Variants in MYH6 observed in about 807,000 individuals in gnomAD.
MYH6 encodes the protein myosin-6.
In MYH6, 126 loss-of-function variants were observed where a neutral mutation model predicts 223.2. That is an observed-to-expected ratio of 0.56 (90% confidence interval 0.49 to 0.65). MYH6 has a LOEUF of 0.65. MYH6 is among the 30% of genes least tolerant of loss of function. MYH6 has a pLI of 0.00. For missense variants in MYH6, 2,040 were observed against 2,536.4 expected (o/e 0.80, Z 4.20); for synonymous variants, 978 against 1,010.2 (o/e 0.97, Z 0.61).
At chr14:23,384,797 T>A in intron 35 of MYH6, 80 bp from the exon 36 acceptor site, 1 of 1,613,514 alleles carries the variant, frequency 6.2e-7, no homozygotes, top group African/African-American at 1.3e-5. Context: ...CTTTCTCCCA[T>A]CAGGCCCTCA....
In MYH6 at chr14:23,387,915, G is replaced by T; in HGVS notation, c.4368C>A (p.Ala1456=). Residue 1456 remains alanine (A), a synonymous_variant, in exon 31 of 39, where the codon GCC becomes GCA. Coordinates refer to ENST00000405093, the MANE Select transcript of MYH6 (RefSeq NM_002471.4). ...KKQRNFDKIL[A]EWKQKYEESQ... The stretch of plus-strand genomic sequence containing the variant: ...ACTCCTCATACTTCTGCTTCCACTC[G>T]GCCAGGATCTGCCCGGGGACAAGGC... 2 of 1,613,654 alleles carry T rather than the reference G, an allele frequency of 1.2e-6. No homozygotes were observed. The highest frequency in any genetic ancestry group is 1.3e-5 in the African/African-American group (1 of 74,992).
intron 15 of MYH6, among the ~76,000 whole-genome samples, chr14:23,397,929 C>CTTCTTCT: frequency 1.6e-5 from 2 of 123,130 alleles, no homozygotes; most frequent in Admixed American, 1.6e-4. Flanking sequence ...CCTCCTCCTC[C>CTTCTTCT]TCCTCTTCTT....
At chr14:23,388,738 G>A (rs1245719402) in intron 29 of MYH6, 121 bp downstream of exon 29, 1 of 1,422,976 alleles carries the variant, frequency 7.0e-7, no homozygotes, top group African/African-American at 1.4e-5. Context: ...CACTTCTGTT[G>A]CCCTCCGAGT....
At position 23,403,370 on chromosome 14, in the gene MYH6, G is replaced by T; in HGVS notation, c.876C>A (p.Ser292=). 6.2e-7 allele frequency: 1 copy of T among 1,614,076 alleles called. No homozygotes were observed. Among genetic ancestry groups the T allele is most frequent in the Non-Finnish European group, 8.5e-7 (1 of 1,179,962 alleles). ...CACCCAGCAACTCCGGCTTCTTGTT[G>T]GACAGAATCTGGTAGAAGATGTGGT... The part of the protein sequence containing the change: ...RNYHIFYQIL[S]NKKPELLDML... Residue 292 remains serine (S), a synonymous_variant, in exon 10 of 39, where the codon TCC becomes TCA. Transcript: ENST00000405093.
At chr14:23,389,559 T>C in intron 27 of MYH6, 34 bp downstream of exon 27, 16 of 1,614,224 alleles carry the variant, frequency 9.9e-6, no homozygotes, top group Non-Finnish European at 1.4e-5. Context: ...AGTCATGTCC[T>C]GCCCTAGGCA....
At position 23,403,463 on chromosome 14, in the gene MYH6, G is replaced by C; in HGVS notation, c.800-17C>G. 1 of 1,603,484 alleles carries C rather than the reference G, an allele frequency of 6.2e-7. No individual in the cohort carries two copies. Among genetic ancestry groups the C allele is most frequent in the Non-Finnish European group, 8.5e-7 (1 of 1,170,340 alleles). On this transcript the variant is annotated splice_polypyrimidine_tract_variant and intron_variant, in intron 9 of 38. Transcript: ENST00000405093. The stretch of plus-strand genomic sequence containing the variant: ...CCAGCAGGTCTGAGGTGGGTGGAGG[G>C]GAGGAAGGCAGGTGAGGAAGGAAAG...
chr14:23,382,436 C>G lies in MYH6; in HGVS notation c.5788G>C (p.Gly1930Arg), dbSNP rs761796189. The change falls in exon 38 of 39, where the codon GGT becomes CGT. Residue 1930 changes from glycine to arginine, a missense_variant. Gly to Arg is a moderately radical substitution (Grantham distance 125, BLOSUM62 -2). Coordinates refer to ENST00000405093, the MANE Select transcript of MYH6 (RefSeq NM_002471.4). The part of the protein sequence containing the change: ...NKLRAKSRDI[G>R]AKQKMHDEE Reference sequence around the variant, plus strand: ...CCAGGGGAGGGACCCACCTTGGCACCAATGTCACGGCTCTTGGCTCGAAGC... The same window carrying G: ...CCAGGGGAGGGACCCACCTTGGCACGAATGTCACGGCTCTTGGCTCGAAGC... 3 of 1,614,114 alleles carry G rather than the reference C, an allele frequency of 1.9e-6. No homozygotes were observed. The African/African-American group carries it at 4.0e-5, about 22-fold the overall frequency.
At chr14:23,383,168 T>C (rs1890909114) in intron 37 of MYH6, 57 bp downstream of exon 37, 4 of 1,426,498 alleles carry the variant, frequency 2.8e-6, no homozygotes, top group African/African-American at 2.8e-5. Flanking sequence ...AGATATTCAT[T>C]GGTTCTCACA....
At chr14:23,399,933 A>C (rs1219753257) in intron 14 of MYH6, 2 of 399,130 alleles carry the variant, frequency 5.0e-6, no homozygotes, top group Admixed American at 7.3e-5. Context: ...GAGGCCAAAC[A>C]TCTCTAATTT....
intron 20 of MYH6, among the ~76,000 whole-genome samples, chr14:23,394,838 C>A (rs1259351712): frequency 5.9e-5 from 9 of 152,160 alleles, no homozygotes; most frequent in African/African-American, 1.4e-4. Flanking sequence ...ATTACTTTAA[C>A]CACATATGAA....
At position 23,382,438 on chromosome 14, in the gene MYH6, A is replaced by G. The variant is rs368881214; in HGVS notation, c.5786T>C (p.Ile1929Thr). The G allele has an allele frequency of 1.1e-5, 17 of 1,613,988 alleles. No individual in the cohort carries two copies. The highest frequency in any genetic ancestry group is 1.4e-5 in the Non-Finnish European group (17 of 1,180,022). The change falls in exon 38 of 39, where the codon ATT (isoleucine) becomes ACT (threonine). Residue 1929 changes from isoleucine to threonine, a missense_variant. Physicochemically the swap from Ile to Thr is moderately conservative, Grantham distance 89 (BLOSUM62 -1). Transcript: ENST00000405093. ...AGGGGAGGGACCCACCTTGGCACCA[A>G]TGTCACGGCTCTTGGCTCGAAGCTT... ...VNKLRAKSRDIGAKQKMHDEE is the reference protein window; with the variant it reads ...VNKLRAKSRDTGAKQKMHDEE
Position 23,389,062 on chromosome 14 carries a change from A to AGGGGGGG in MYH6, c.3979-14_3979-8dup. ...GGGCCAGGGCGTTCTTCGCCTGGGGAGGGGGGGGGGCACCAGGAGGTGGGA... is the reference window on the plus strand; with the variant it reads ...GGGCCAGGGCGTTCTTCGCCTGGGGAGGGGGGGGGGGGGGGGGCACCAGGAGGTGGGA... On this transcript the variant is annotated splice_polypyrimidine_tract_variant and splice_region_variant and intron_variant, in intron 28 of 38. Transcript: ENST00000405093. 1 of 1,175,168 alleles carries AGGGGGGG rather than the reference A, an allele frequency of 8.5e-7. No homozygotes were observed. The highest frequency in any genetic ancestry group is 1.2e-6 in the Non-Finnish European group (1 of 849,494). 72.8% of individuals were successfully genotyped at this position (1,175,168 alleles called of 1,614,324 possible). A position where few individuals can be genotyped will look rare whatever the true frequency, so the allele number is the denominator to read the frequency against.
Position 23,393,691 on chromosome 14 carries a change from T to A in MYH6, c.2903A>T (p.Lys968Met). 6.2e-7 allele frequency: 1 copy of A among 1,614,174 alleles called. No homozygotes were observed. The highest frequency in any genetic ancestry group is 1.1e-5 in the South Asian group (1 of 91,080). Reference sequence around the variant, plus strand: ...CTTGTTCTCTGTTGCATGCTTCTCCTTCTCCACCTTGGCCAGTGTCAGCTC... The same window carrying A: ...CTTGTTCTCTGTTGCATGCTTCTCCATCTCCACCTTGGCCAGTGTCAGCTC... ...DLELTLAKVE[K>M]EKHATENKVK... The change falls in exon 22 of 39, where the codon AAG (lysine) becomes ATG (methionine). Residue 968 changes from lysine (K) to methionine (M), a missense_variant. Physicochemically the swap from Lys to Met is moderately conservative, Grantham distance 95. Around this residue, in one of 4 missense-constraint regions of MYH6, gnomAD observed 1,203 missense variants for 1,400.2 expected, o/e 0.86. Coordinates refer to ENST00000405093, the MANE Select transcript of MYH6 (RefSeq NM_002471.4).
intron 1 of MYH6, 54 bp downstream of exon 1, chr14:23,408,199 G>A (rs1041098100): frequency 7.1e-6 from 7 of 982,726 alleles, no homozygotes; most frequent in Admixed American, 6.2e-5. Flanking sequence ...GGTCCCTCAC[G>A]GTGGGGGCTC....
chr14:23,405,343 A>G lies in MYH6; in HGVS notation c.382T>C (p.Tyr128His), dbSNP rs1891751513. Residue 128 changes from tyrosine (Y) to histidine (H), a missense_variant, in exon 5 of 39, where the codon TAC becomes CAC. Coordinates refer to ENST00000405093, the MANE Select transcript of MYH6 (RefSeq NM_002471.4). The surrounding 1 kb of genome is among the most constrained non-coding windows in gnomAD (Gnocchi z 4.7). The stretch of plus-strand genomic sequence containing the variant: ...GCATTGTACACCGGCAGCCACTTGT[A>G]GGGGTTGACAGTGACACAGAAGAGG... ...SGLFCVTVNP[Y>H]KWLPVYNAEV... 6.2e-7 allele frequency: 1 copy of G among 1,614,130 alleles called. No individual in the cohort carries two copies. The highest frequency in any genetic ancestry group is 8.5e-7 in the Non-Finnish European group (1 of 1,180,010).
chr14:23,390,690 A>G (rs536294262), intron 25 of MYH6, among the ~76,000 whole-genome samples: 1 of 152,140 alleles, frequency 6.6e-6, no homozygotes, highest in Non-Finnish European at 1.5e-5. Context: ...TAGGCCATCA[A>G]TAGGAATTTG....
chr14:23,396,526 GAAGT>G, intron 19 of MYH6, 106 bp from the exon 20 acceptor site: 1 of 1,566,082 alleles, frequency 6.4e-7, no homozygotes, highest in Non-Finnish European at 8.7e-7. Flanking sequence ...ATGCCTTCTA[GAAGT>G]AAGAGTAAAA....
chr14:23,395,763 C>T (rs563561754), intron 20 of MYH6, among the ~76,000 whole-genome samples: 4 of 152,030 alleles, frequency 2.6e-5, no homozygotes, highest in Admixed American at 1.3e-4. Flanking sequence ...CTCCTGACCT[C>T]GTGATCCACC....
intron 15 of MYH6, 37 bp from the exon 16 acceptor site, chr14:23,397,650 G>A: frequency 6.2e-7 from 1 of 1,605,976 alleles, no homozygotes. Flanking sequence ...ACAGGAGCTG[G>A]AAAATAAAGG....
Sources: allele counts gnomAD v4.1 joint callset (sites outside exome capture counted in the v4.1 genomes callset), GRCh38; gene constraint gnomAD v4.1.1; regional missense constraint gnomAD v4.1.1; non-coding constraint Gnocchi (gnomAD v3.1); transcripts MANE v1.5; gene names NCBI Gene and HGNC (gene_info 2026-07-23, HGNC 2026-07-21).